Variants in GIGYF1 observed in about 807,000 individuals in gnomAD.
GIGYF1 encodes the protein GRB10-interacting GYF protein 1.
GIGYF1 carries 84 observed loss-of-function variants against 147.1 expected under a neutral mutation model. The observed-to-expected ratio is 0.57, with a 90% confidence interval of 0.48 to 0.68. The LOEUF is 0.68. Ranked by LOEUF, GIGYF1 falls within the 30% of genes least tolerant of loss-of-function variation. GIGYF1 has a pLI of 0.00. For missense variants in GIGYF1, 1,485 were observed against 1,393.7 expected (o/e 1.07, Z -1.04); for synonymous variants, 752 against 589.5 (o/e 1.28, Z -3.99).
At chr7:100,694,059 GC>G (rs1806051788) in intron 1 of GIGYF1, 50 bp downstream of exon 1, 1 of 146,328 alleles carries the variant, frequency 6.8e-6, no homozygotes, top group Admixed American at 6.8e-5. Context: ...GGGCGGGCCT[GC>G]CCCGGGGCTG....
Position 100,683,315 on chromosome 7 carries a change from G to GAC in GIGYF1, c.2181_2182insGT (p.Arg728ValfsTer13). ...TTGGGAGCACCCACGTGCTTGCGCC[G>GAC]AAACAGCTCTTCCTCCTCCTGCCGC... On this transcript the variant is annotated frameshift_variant, in exon 21 of 27. Transcript: ENST00000678049. LOFTEE classifies it high-confidence loss of function. 1 of 1,613,848 alleles carries GAC rather than the reference G, an allele frequency of 6.2e-7. No individual in the cohort carries two copies. Among genetic ancestry groups the GAC allele is most frequent in the Non-Finnish European group, 8.5e-7 (1 of 1,180,028 alleles).
chr7:100,692,847 C>T (rs2131406992), intron 1 of GIGYF1, among the ~76,000 whole-genome samples: 1 of 152,268 alleles, frequency 6.6e-6, no homozygotes, highest in East Asian at 1.9e-4. Flanking sequence ...CTAAGAAAAT[C>T]AGATTGGAGC....
At chr7:100,693,668 A>C (rs1045257164) in intron 1 of GIGYF1, among the ~76,000 whole-genome samples, 10 of 152,018 alleles carry the variant, frequency 6.6e-5, no homozygotes, top group African/African-American at 2.4e-4. Flanking sequence ...CCACCCTAGG[A>C]CGCTAGGGTC....
Position 100,683,798 on chromosome 7 carries a change from G to T in GIGYF1, c.1969+20C>A. 2 of 1,575,620 alleles carry T rather than the reference G, an allele frequency of 1.3e-6. No homozygotes were observed. The highest frequency in any genetic ancestry group is 1.7e-6 in the Non-Finnish European group (2 of 1,158,700). On this transcript the variant is annotated intron_variant, in intron 19 of 26. Coordinates refer to ENST00000678049, the MANE Select transcript of GIGYF1 (RefSeq NM_001375765.1). ...CACCCGGAGACTGCCTTGGGGGTGG[G>T]GACCAGTCAGGCCACACACCTGACT...
At position 100,679,847 on chromosome 7, in the gene GIGYF1, C is replaced by A. The variant is rs1452044618; in HGVS notation, c.*1872G>T. On this transcript the variant is annotated 3_prime_UTR_variant, in exon 27 of 27. Transcript: ENST00000678049. ...GTTAAGGCCTCTCCAGGCTCATGGG[C>A]CCCCTAAGTCCAAAGTCTCTTTAGC... 1 of 152,510 alleles carries A rather than the reference C, an allele frequency of 6.6e-6. No homozygotes were observed. Among genetic ancestry groups the A allele is most frequent in the Non-Finnish European group, 1.5e-5 (1 of 68,016 alleles). 9.4% of individuals were successfully genotyped at this position (152,510 alleles called of 1,614,324 possible). A position where few individuals can be genotyped will look rare whatever the true frequency, so the allele number is the denominator to read the frequency against.
rs1464571522 is a variant in GIGYF1, at chr7:100,680,359, G to A, written c.*1360C>T. ...AGCAATGAGGTCAATGGGAGGAGCT[G>A]GATGAGAAACCCAAAAGACAAAACT... On this transcript the variant is annotated 3_prime_UTR_variant, in exon 27 of 27. Transcript: ENST00000678049. 6.6e-6 allele frequency: 1 copy of A among 152,544 alleles called. No homozygotes were observed. Among genetic ancestry groups the A allele is most frequent in the Admixed American group, 6.5e-5 (1 of 15,276 alleles). The allele number at this position is 152,544 out of a possible 1,614,324, so 9.4% of individuals were successfully genotyped here.
chr7:100,691,506 A>ATTTTTTTT (rs373899398), intron 1 of GIGYF1, among the ~76,000 whole-genome samples: 2,510 of 147,640 alleles, frequency 0.017, 36 homozygotes, highest in East Asian at 0.039. Flanking sequence ...AAAAGAATAG[A>ATTTTTTTT]TTTTTTTTTT....
Position 100,681,924 on chromosome 7 carries a change from CG to C in GIGYF1, c.2994del (p.Glu1000ArgfsTer10). The part of the protein sequence containing the change: ...FQANHSTKLG[P>X]GEGSKAKRRA... Reference sequence around the variant, plus strand: ...CGCCTCTTGGCCTTGCTGCCCTCCCCGGGGCCGAGTTTGGTGCTGTGGTTGG... The same window carrying C: ...CGCCTCTTGGCCTTGCTGCCCTCCCCGGGCCGAGTTTGGTGCTGTGGTTGG... On this transcript the variant is annotated frameshift_variant, in exon 26 of 27. Transcript: ENST00000678049. LOFTEE classifies it high-confidence loss of function. 6.2e-7 allele frequency: 1 copy of C among 1,610,538 alleles called. No homozygotes were observed.
intron 8 of GIGYF1, 95 bp from the exon 9 acceptor site, chr7:100,687,141 G>A (rs1183665919): frequency 3.2e-6 from 5 of 1,549,410 alleles, no homozygotes; most frequent in Non-Finnish European, 4.5e-6. Context: ...CCCTGAGGCA[G>A]TGGAGGGAGG....
In GIGYF1 at chr7:100,682,687, T is replaced by G. The variant is rs750421292; in HGVS notation, c.2503A>C (p.Ser835Arg). The G allele has an allele frequency of 6.2e-7, 1 of 1,600,344 alleles. No individual in the cohort carries two copies. The highest frequency in any genetic ancestry group is 1.1e-5 in the South Asian group (1 of 89,512). ...WGGPDKSGGG[S>R]SGLGLWEDTP... ...TCCTCCCAGAGCCCCAGGCCGCTGC[T>G]GCCGCCCCCACTCTTGTCTGGCCCG... is the stretch of plus-strand genomic sequence containing the variant. The change falls in exon 23 of 27, where the codon AGC (serine) becomes CGC (arginine). Residue 835 changes from serine to arginine, a missense_variant. Physicochemically the swap from Ser to Arg is moderately radical, Grantham distance 110. Transcript: ENST00000678049.
chr7:100,687,919 C>T, intron 5 of GIGYF1, 36 bp from the exon 6 acceptor site: 1 of 1,612,646 alleles, frequency 6.2e-7, no homozygotes, highest in African/African-American at 1.3e-5. Context: ...ACACCACATG[C>T]TGCCAGATCC....
rs1008066468 is a variant in GIGYF1, at chr7:100,688,068, G to C, written c.78C>G (p.Pro26=). 6.2e-7 allele frequency: 1 copy of C among 1,612,696 alleles called. No individual in the cohort carries two copies. The highest frequency in any genetic ancestry group is 2.2e-5 in the East Asian group (1 of 44,870). Residue 26 remains proline (P), a synonymous_variant, in exon 5 of 27, where the codon CCC becomes CCG. Coordinates refer to ENST00000678049, the MANE Select transcript of GIGYF1 (RefSeq NM_001375765.1). The stretch of plus-strand genomic sequence containing the variant: ...TGTATTTGGGCATGGCAGGGGACGG[G>C]GGTGGGGAGGCCACGCTGCCGCCCC... ...LSGGGSVASP[P]PSPAMPKYKL...
At position 100,688,932 on chromosome 7, in the gene GIGYF1, TAAAAC is replaced by T. The variant is rs969916053; in HGVS notation, c.-480_-476del. 2 of 154,120 alleles carry T rather than the reference TAAAAC, an allele frequency of 1.3e-5. No homozygotes were observed. The highest frequency in any genetic ancestry group is 4.8e-5 in the African/African-American group (2 of 41,256). The allele number at this position is 154,120 out of a possible 1,614,324, so 9.5% of individuals were successfully genotyped here. ...CCAGGATGGACGTTCAGGGCAAAGATAAAACAAAAACAAGCAAGCAAACAAAAACC... is the reference window on the plus strand; with the variant it reads ...CCAGGATGGACGTTCAGGGCAAAGATAAAAACAAGCAAGCAAACAAAAACC... On this transcript the variant is annotated 5_prime_UTR_variant, in exon 2 of 27. Transcript: ENST00000678049.
At chr7:100,691,865 C>A (rs560025056) in intron 1 of GIGYF1, among the ~76,000 whole-genome samples, 2 of 152,248 alleles carry the variant, frequency 1.3e-5, no homozygotes, top group Non-Finnish European at 2.9e-5. Flanking sequence ...ACGCTGGGCC[C>A]GGGTGCTCCA....
At position 100,685,476 on chromosome 7, in the gene GIGYF1, T is replaced by C; in HGVS notation, c.1060A>G (p.Lys354Glu). The C allele has an allele frequency of 6.3e-7, 1 of 1,599,550 alleles. No homozygotes were observed. ...TGAGGAGGCAGTGGGGTCAGCTCTT[T>C]CCCACCTAGAAGAGGGAGATGGCCA... ...LEEEGPEAGG[K>E]ELTPLPPQEE... is the part of the protein sequence containing the mutation. The change falls in exon 13 of 27, where the codon AAA becomes GAA. Residue 354 changes from lysine (K) to glutamate (E), a missense_variant. Coordinates refer to ENST00000678049, the MANE Select transcript of GIGYF1 (RefSeq NM_001375765.1).
chr7:100,693,117 G>GT (rs1408117723), intron 1 of GIGYF1, among the ~76,000 whole-genome samples: 2 of 152,032 alleles, frequency 1.3e-5, no homozygotes, highest in Non-Finnish European at 2.9e-5. Flanking sequence ...CAGGAGGGAA[G>GT]TAAGGCTTGG....
chr7:100,691,392 G>GTGCACGC lies in GIGYF1; in HGVS notation c.-1098-1844_-1098-1838dup, dbSNP rs1291315282. On this transcript the variant is annotated intron_variant, in intron 1 of 26. Coordinates refer to ENST00000678049, the MANE Select transcript of GIGYF1 (RefSeq NM_001375765.1). ...GGGGAAGGCAAGGGAAGGCAGGTGT[G>GTGCACGC]TGCACGCTGGGTCATTCTCCTCTCT... Among the ~76,000 whole-genome samples the GTGCACGC allele has an allele frequency of 5.9e-5, 9 of 152,290 alleles. No individual in the cohort carries two copies. The East Asian group carries it at 7.7e-4, about 13-fold the overall frequency.
Position 100,683,826 on chromosome 7 carries a change from G to T in GIGYF1, c.1961C>A (p.Ser654Ter). 1 of 1,574,346 alleles carries T rather than the reference G, an allele frequency of 6.4e-7. No homozygotes were observed. Among genetic ancestry groups the T allele is most frequent in the East Asian group, 2.3e-5 (1 of 42,784 alleles). ...RLWDVHTSAS[S>*]QSGGEASLWD... ...CCAGTCAGGCCACACACCTGACTGT[G>T]ATGAGGCTGAGGTATGTACGTCCCA... Residue 654 changes from serine to a stop codon, truncating the protein, a stop_gained, in exon 19 of 27, where the codon TCA (serine) becomes TAA (stop). Transcript: ENST00000678049. LOFTEE classifies it high-confidence loss of function.
At position 100,686,366 on chromosome 7, in the gene GIGYF1, C is replaced by A. The variant is rs752373849; in HGVS notation, c.762G>T (p.Leu254Phe). ...CACCACACCCTCCTCGATCCCCTCG[C>A]AAATCAAATTCAAACTTGCGCCGCC... ...GERRRKFEFDLRGDRGGCGEE... is the reference protein window; with the variant it reads ...GERRRKFEFDFRGDRGGCGEE... Residue 254 changes from leucine to phenylalanine, a missense_variant, in exon 11 of 27, where the codon TTG (leucine) becomes TTT (phenylalanine). Coordinates refer to ENST00000678049, the MANE Select transcript of GIGYF1 (RefSeq NM_001375765.1). 1.4e-4 allele frequency: 222 copies of A among 1,612,556 alleles called. No individual in the cohort carries two copies. Among genetic ancestry groups the A allele is most frequent in the Non-Finnish European group, 1.8e-4 (215 of 1,179,426 alleles).
Sources: gnomAD v4.1 joint callset for allele counts (sites outside exome capture counted in the v4.1 genomes callset) on GRCh38, gnomAD v4.1.1 for gene constraint, MANE v1.5 for transcripts, NCBI Gene and HGNC (gene_info 2026-07-23, HGNC 2026-07-21) for gene names.